The following TNPO3 variants were observed in gnomAD, a reference collection of about 807,000 sequenced individuals.
TNPO3 encodes transportin 3, also known as transportin-3.
A neutral mutation model predicts 122.8 loss-of-function variants in TNPO3; 65 were observed. The observed-to-expected ratio is 0.53, with a 90% CI of 0.43 to 0.65. The LOEUF (loss-of-function observed/expected upper bound fraction) is 0.65, where lower values mean the gene tolerates loss of function less well. Ranked by LOEUF, TNPO3 falls within the 30% of genes least tolerant of loss-of-function variation. The pLI is 0.00. For missense variants in TNPO3, 850 were observed against 1,136.7 expected (o/e 0.75, Z 3.63); for synonymous variants, 372 against 411.2 (o/e 0.90, Z 1.15).
chr7:128,997,280 G>A (rs1801434311), intron 8 of TNPO3, 109 bp downstream of exon 8: 5 of 1,247,052 alleles, frequency 4.0e-6, no homozygotes, highest in Non-Finnish European at 4.5e-6. Context: ...CTACAGGCAT[G>A]AGCCAGGGTG....
chr7:129,022,422 C>T (rs767590313), intron 1 of TNPO3, among the ~76,000 whole-genome samples: 15 of 151,276 alleles, frequency 9.9e-5, no homozygotes, highest in African/African-American at 3.7e-4. Flanking sequence ...ATAATCCCAT[C>T]ACTGCACTCC....
chr7:128,980,549 T>C (rs892027162), intron 14 of TNPO3, among the ~76,000 whole-genome samples: 4 of 152,002 alleles, frequency 2.6e-5, no homozygotes, highest in African/African-American at 9.7e-5. Flanking sequence ...CTTGGGAGGC[T>C]GGTGGTGGCA....
chr7:129,042,032 G>C (rs1197407788), intron 1 of TNPO3, among the ~76,000 whole-genome samples: 7 of 152,076 alleles, frequency 4.6e-5, no homozygotes, highest in African/African-American at 1.4e-4. Context: ...CCTCAACAAT[G>C]CAAGCACACA....
intron 12 of TNPO3, among the ~76,000 whole-genome samples, chr7:128,986,247 T>A (rs1193547046): frequency 6.6e-6 from 1 of 152,244 alleles, no homozygotes; most frequent in East Asian, 1.9e-4. Flanking sequence ...CCGAGCCTCA[T>A]CACAATGGCT....
chr7:129,021,418 A>G (rs962683449), intron 1 of TNPO3, among the ~76,000 whole-genome samples: 18 of 152,030 alleles, frequency 1.2e-4, no homozygotes, highest in African/African-American at 7.2e-5. Context: ...GCCAGTAAGT[A>G]TAAGTGTGAA....
chr7:128,977,035 G>T (rs3778750), intron 16 of TNPO3, among the ~76,000 whole-genome samples: 96,860 of 152,014 alleles, frequency 0.64, 31,181 homozygotes, highest in Middle Eastern at 0.71. Context: ...TAGATAATAC[G>T]TAAATGAATT....
chr7:129,025,350 C>CAAAAAAAAAAAAAAAAAAAAAAA (rs71162548), intron 1 of TNPO3, among the ~76,000 whole-genome samples: 1 of 20,686 alleles, frequency 4.8e-5, no homozygotes, highest in African/African-American at 2.1e-4. Flanking sequence ...AACTCTGTCA[C>CAAAAAAAAAAAAAAAAAAAAAAA]AAAAAAAAAA....
chr7:128,984,228 C>G lies in TNPO3; in HGVS notation c.1722G>C (p.Leu574Phe). The change falls in exon 13 of 23, where the codon TTG becomes TTC. Residue 574 changes from leucine (L) to phenylalanine (F), a missense_variant. Coordinates refer to ENST00000265388, the MANE Select transcript of TNPO3 (RefSeq NM_012470.4). ...CACTAAGACATTCGGTAATCTTATC[C>G]AAAGGTAATCGGGCTAGGACAAGTG... ...GTALVLARLPLDKITECLSEL... is the reference protein window; with the variant it reads ...GTALVLARLPFDKITECLSEL... 6.2e-7 allele frequency: 1 copy of G among 1,612,846 alleles called. No individual in the cohort carries two copies. Among genetic ancestry groups the G allele is most frequent in the Non-Finnish European group, 8.5e-7 (1 of 1,179,492 alleles).
intron 1 of TNPO3, among the ~76,000 whole-genome samples, chr7:129,039,391 AT>A (rs1194882581): frequency 6.6e-6 from 1 of 151,918 alleles, no homozygotes; most frequent in Non-Finnish European, 1.5e-5. Flanking sequence ...GTGAAACCCC[AT>A]CTCTAGAAAA....
At chr7:128,969,435 C>T (rs1798237647) in intron 20 of TNPO3, among the ~76,000 whole-genome samples, 3 of 151,728 alleles carry the variant, frequency 2.0e-5, no homozygotes, top group Non-Finnish European at 4.4e-5. Context: ...CTCACTTTAA[C>T]TAGGTCCCAA....
intron 20 of TNPO3, among the ~76,000 whole-genome samples, chr7:128,967,731 C>T (rs1056894277): frequency 6.6e-5 from 10 of 150,930 alleles, no homozygotes; most frequent in African/African-American, 9.7e-5. Flanking sequence ...TGCACACATG[C>T]GAACATGAAC....
In TNPO3 at chr7:128,955,376, A is replaced by T. The variant is rs1046022026; in HGVS notation, c.*41T>A. On this transcript the variant is annotated 3_prime_UTR_variant, in exon 23 of 23. Transcript: ENST00000265388. ...GTTTTCTTCCTGTCTTCTAATTAAA[A>T]AAGACATTCCTGACAAAAGAGATAA... 1 of 456,202 alleles carries T rather than the reference A, an allele frequency of 2.2e-6. No individual in the cohort carries two copies. Among genetic ancestry groups the T allele is most frequent in the African/African-American group, 2.0e-5 (1 of 50,052 alleles). 28.3% of individuals were successfully genotyped at this position (456,202 alleles called of 1,614,324 possible).
chr7:128,963,181 A>G (rs1797629940), intron 21 of TNPO3, among the ~76,000 whole-genome samples: 1 of 152,232 alleles, frequency 6.6e-6, no homozygotes, highest in African/African-American at 2.4e-5. Context: ...TAACCTTATG[A>G]GACTGGTAGT....
chr7:129,046,038 C>T (rs778605138), intron 1 of TNPO3, among the ~76,000 whole-genome samples: 9 of 151,672 alleles, frequency 5.9e-5, no homozygotes, highest in South Asian at 2.1e-4. Context: ...TCTCCACTAA[C>T]AATACAAAAA....
chr7:128,960,647 C>T (rs1563084827), intron 21 of TNPO3, among the ~76,000 whole-genome samples: 1 of 151,220 alleles, frequency 6.6e-6, no homozygotes, highest in South Asian at 2.1e-4. Flanking sequence ...TTTTAATGAG[C>T]TGTACAATTT....
At chr7:129,053,983 T>G (rs1027957399) in intron 1 of TNPO3, among the ~76,000 whole-genome samples, 1 of 152,206 alleles carries the variant, frequency 6.6e-6, no homozygotes, top group African/African-American at 2.4e-5. Context: ...GTGATACCCA[T>G]CTTATAAATA....
intron 4 of TNPO3, among the ~76,000 whole-genome samples, chr7:129,012,146 C>T (rs185156308): frequency 6.8e-4 from 103 of 151,762 alleles, no homozygotes; most frequent in Non-Finnish European, 1.1e-3. Flanking sequence ...GCTGGGACTA[C>T]AGGAGTGCAC....
intron 1 of TNPO3, among the ~76,000 whole-genome samples, chr7:129,039,327 C>A (rs1394051281): frequency 6.6e-6 from 1 of 152,074 alleles, no homozygotes; most frequent in Non-Finnish European, 1.5e-5. Context: ...TTTGGGAGGC[C>A]AAGGCAGGAG....
At chr7:128,995,014 G>A (rs1801161788) in intron 8 of TNPO3, among the ~76,000 whole-genome samples, 1 of 152,082 alleles carries the variant, frequency 6.6e-6, no homozygotes, top group East Asian at 1.9e-4. Context: ...TACCCAGGCT[G>A]GTCTCAAACT....
Sources: allele counts gnomAD v4.1 joint callset (sites outside exome capture counted in the v4.1 genomes callset), GRCh38; gene constraint gnomAD v4.1.1; transcripts MANE v1.5; gene names NCBI Gene and HGNC (gene_info 2026-07-23, HGNC 2026-07-21).